Variants in HDLBP observed in about 807,000 individuals in gnomAD.
HDLBP encodes the protein vigilin.
In HDLBP, 30 loss-of-function variants were observed where a neutral mutation model predicts 137.3. The ratio of observed to expected loss-of-function variants is 0.22; its 90% confidence interval spans 0.16 to 0.30. The LOEUF (loss-of-function observed/expected upper bound fraction) is 0.30, where lower values mean the gene tolerates loss of function less well. Ranked by LOEUF, HDLBP falls within the 10% of genes least tolerant of loss-of-function variation. HDLBP has a pLI of 1.00. For missense variants in HDLBP, 1,119 were observed against 1,667.3 expected (o/e 0.67, Z 5.73); for synonymous variants, 606 against 596.0 (o/e 1.02, Z -0.24).
chr2:241,315,452 C>G (rs11554054), intron 1 of HDLBP, 118 bp downstream of exon 1: 24,075 of 152,302 alleles, frequency 0.16, 2,091 homozygotes, highest in Middle Eastern at 0.28. Flanking sequence ...TCCGCACTCC[C>G]GCCACCACCT....
chr2:241,253,649 C>A, intron 9 of HDLBP, 152 bp from the exon 10 acceptor site: 1 of 626,476 alleles, frequency 1.6e-6, no homozygotes, highest in Non-Finnish European at 2.9e-6. Context: ...AGCCATCAAA[C>A]AAAGTTGAAA....
chr2:241,272,871 C>A lies in HDLBP; in HGVS notation c.-102-4330G>T. The A allele has an allele frequency of 2.8e-6, 1 of 360,430 alleles. No individual in the cohort carries two copies. Among genetic ancestry groups the A allele is most frequent in the Non-Finnish European group, 3.9e-6 (1 of 258,800 alleles). 22.3% of individuals were successfully genotyped at this position (360,430 alleles called of 1,614,324 possible). Reference sequence around the variant, plus strand: ...GGGCCCCGGCTGCTATATAGGGCGGCGGCCCAATCCCGCCTGGACACGTCA... The same window carrying A: ...GGGCCCCGGCTGCTATATAGGGCGGAGGCCCAATCCCGCCTGGACACGTCA... On this transcript the variant is annotated intron_variant, in intron 1 of 27. Transcript: ENST00000310931. The surrounding 1 kb of genome is among the most constrained non-coding windows in gnomAD (Gnocchi z 5.6).
At chr2:241,304,734 CT>C (rs2075513455) in intron 1 of HDLBP, among the ~76,000 whole-genome samples, 1 of 152,222 alleles carries the variant, frequency 6.6e-6, no homozygotes, top group African/African-American at 2.4e-5. Context: ...GTTGGTCCCA[CT>C]CCTGAACTAG....
At chr2:241,314,277 G>A (rs991124496) in intron 1 of HDLBP, among the ~76,000 whole-genome samples, 2 of 152,070 alleles carry the variant, frequency 1.3e-5, no homozygotes, top group Non-Finnish European at 2.9e-5. Context: ...TAAGCACTAC[G>A]TTTCATCCAG....
At chr2:241,291,882 G>A (rs1358265823) in intron 1 of HDLBP, among the ~76,000 whole-genome samples, 2 of 152,178 alleles carry the variant, frequency 1.3e-5, no homozygotes, top group Non-Finnish European at 2.9e-5. Flanking sequence ...GCCACGAGCT[G>A]GAAAAGGCCA....
chr2:241,230,569 T>C lies in HDLBP; in HGVS notation c.3474+190A>G, dbSNP rs2069619196. Among the ~76,000 whole-genome samples, 1 of 152,244 alleles carries C rather than the reference T, an allele frequency of 6.6e-6. No homozygotes were observed. Among genetic ancestry groups the C allele is most frequent in the Admixed American group, 6.5e-5 (1 of 15,288 alleles). On this transcript the variant is annotated intron_variant, in intron 25 of 27. Coordinates refer to ENST00000310931, the MANE Select transcript of HDLBP (RefSeq NM_005336.6). The surrounding 1 kb of genome is among the most constrained non-coding windows in gnomAD (Gnocchi z 5.0). Reference sequence around the variant, plus strand: ...GGAGATGCCCTCCTAATGGCCACCGTGGCAGTGCAGCCTCACACAGGCCGT... The same window carrying C: ...GGAGATGCCCTCCTAATGGCCACCGCGGCAGTGCAGCCTCACACAGGCCGT...
chr2:241,280,046 C>T (rs1469264971), intron 1 of HDLBP: 24 of 985,226 alleles, frequency 2.4e-5, no homozygotes, highest in South Asian at 4.7e-5. Context: ...GGAGGACAGG[C>T]GCCCACCACT....
At position 241,248,249 on chromosome 2, in the gene HDLBP, G is replaced by T. The variant is rs2071835796; in HGVS notation, c.1612C>A (p.Pro538Thr). 1 of 1,612,378 alleles carries T rather than the reference G, an allele frequency of 6.2e-7. No individual in the cohort carries two copies. Among genetic ancestry groups the T allele is most frequent in the African/African-American group, 1.3e-5 (1 of 74,860 alleles). ...ERIREIRDKF[P>T]EVIINFPDPA... is the part of the protein sequence containing the mutation. Reference sequence around the variant, plus strand: ...ATGTCTCTGGGAAACTTTACCTCTGGGAATTTGTCACGAATTTCACGGATC... The same window carrying T: ...ATGTCTCTGGGAAACTTTACCTCTGTGAATTTGTCACGAATTTCACGGATC... The change falls in exon 13 of 28, where the codon CCA becomes ACA. Residue 538 changes from proline (P) to threonine (T), a missense_variant. Around this residue, in one of 4 missense-constraint regions of HDLBP, gnomAD observed 425 missense variants for 693.9 expected, o/e 0.61. Coordinates refer to ENST00000310931, the MANE Select transcript of HDLBP (RefSeq NM_005336.6).
chr2:241,285,666 G>C (rs2074778680), intron 1 of HDLBP, among the ~76,000 whole-genome samples: 1 of 152,164 alleles, frequency 6.6e-6, no homozygotes, highest in Admixed American at 6.5e-5. Flanking sequence ...AATAATGAAG[G>C]AGTGAAGAGA....
At chr2:241,279,874 T>C in intron 1 of HDLBP, 1 of 977,616 alleles carries the variant, frequency 1.0e-6, no homozygotes, top group Non-Finnish European at 1.2e-6. Flanking sequence ...TAATTGTCAG[T>C]GGATAACATG....
At position 241,256,030 on chromosome 2, in the gene HDLBP, C is replaced by T. The variant is rs572125961; in HGVS notation, c.873+154G>A. On this transcript the variant is annotated intron_variant, in intron 7 of 27. Coordinates refer to ENST00000310931, the MANE Select transcript of HDLBP (RefSeq NM_005336.6). The stretch of plus-strand genomic sequence containing the variant: ...CTCAACAGCAAGGGGGGGCGGGCAC[C>T]GATCTCACCCGGGTCACTCAAGTGT... Among the ~76,000 whole-genome samples, 227 of 152,292 alleles carry T rather than the reference C, an allele frequency of 1.5e-3. 1 individual carries two copies. Among genetic ancestry groups the T allele is most frequent in the African/African-American group, 4.9e-3 (203 of 41,568 alleles).
intron 1 of HDLBP, among the ~76,000 whole-genome samples, chr2:241,277,108 C>A (rs2074417735): frequency 6.6e-6 from 1 of 151,918 alleles, no homozygotes; most frequent in Non-Finnish European, 1.5e-5. Context: ...AAACTTGCTT[C>A]TAAGTAACTC....
intron 14 of HDLBP, 81 bp from the exon 15 acceptor site, chr2:241,247,223 C>A: frequency 3.5e-6 from 3 of 867,720 alleles, no homozygotes; most frequent in African/African-American, 1.7e-5. Context: ...CTAAGGGTAG[C>A]ATGAACACGA....
intron 5 of HDLBP, among the ~76,000 whole-genome samples, chr2:241,261,870 C>T (rs995418017): frequency 6.6e-6 from 1 of 152,214 alleles, no homozygotes; most frequent in Admixed American, 6.5e-5. Flanking sequence ...ATCAAATCCC[C>T]ATCGTCCAAT....
In HDLBP at chr2:241,230,041, C is replaced by T. The variant is rs948829962; in HGVS notation, c.3592-80G>A. 3.9e-5 allele frequency: 62 copies of T among 1,578,576 alleles called. No homozygotes were observed. The Admixed American group carries it at 6.2e-4, about 16-fold the overall frequency. On this transcript the variant is annotated intron_variant, in intron 26 of 27. Coordinates refer to ENST00000310931, the MANE Select transcript of HDLBP (RefSeq NM_005336.6). This position sits in a 1 kb window ranked among gnomAD's most constrained non-coding sequence, Gnocchi z 5.0. ...CGCCCGCCTGCTCACCCCTGCACCT[C>T]GCCTGCCTCTGGAAACACAAGTGCC... is the stretch of plus-strand genomic sequence containing the variant.
At chr2:241,249,253 TCA>T (rs1486997754) in intron 12 of HDLBP, 2 of 464,610 alleles carry the variant, frequency 4.3e-6, no homozygotes, top group Non-Finnish European at 8.9e-6. Flanking sequence ...GGCTTGTTCC[TCA>T]CACAGTCAGG....
At chr2:241,262,598 ACGGAACTGTCCCACTGGT>A in intron 5 of HDLBP, 95 bp downstream of exon 5, 1 of 741,390 alleles carries the variant, frequency 1.3e-6, no homozygotes, top group South Asian at 1.7e-5. Context: ...CCTCCAAAAG[ACGGAACTGTCCCACTGGT>A]AGGAAGGGTC....
chr2:241,249,865 C>T lies in HDLBP; in HGVS notation c.1488G>A (p.Glu496=), dbSNP rs2071986991. The T allele has an allele frequency of 1.9e-6, 3 of 1,611,242 alleles. No individual in the cohort carries two copies. Among genetic ancestry groups the T allele is most frequent in the South Asian group, 1.1e-5 (1 of 90,702 alleles). Residue 496 remains glutamate (E), a synonymous_variant, in exon 12 of 28, where the codon GAG becomes GAA. Transcript: ENST00000310931. Reference sequence around the variant, plus strand: ...CCATGCGAGATGCAAGCTCCAGCAGCTCTCGCTTGGCCTGCTGCACGCCCT... The same window carrying T: ...CCATGCGAGATGCAAGCTCCAGCAGTTCTCGCTTGGCCTGCTGCACGCCCT... ...DPQGVQQAKR[E]LLELASRMEN...
Position 241,262,592 on chromosome 2 carries a change from CA to C in HDLBP, c.450+118del, listed in dbSNP as rs1387439892. 8 of 713,712 alleles carry C rather than the reference CA, an allele frequency of 1.1e-5. No individual in the cohort carries two copies. The East Asian group carries it at 1.9e-4, about 17-fold the overall frequency. 44.2% of individuals were successfully genotyped at this position (713,712 alleles called of 1,614,324 possible). A position where few individuals can be genotyped will look rare whatever the true frequency, so the allele number is the denominator to read the frequency against. The stretch of plus-strand genomic sequence containing the variant: ...ACTCTGAATGTTGCTGTCCTACCTC[CA>C]AAAGACGGAACTGTCCCACTGGTAG... On this transcript the variant is annotated intron_variant, in intron 5 of 27. Transcript: ENST00000310931.
Sources: gnomAD v4.1 joint callset for allele counts (sites outside exome capture counted in the v4.1 genomes callset) on GRCh38, gnomAD v4.1.1 for gene constraint, gnomAD v4.1.1 regional missense constraint, Gnocchi (gnomAD v3.1) non-coding constraint, MANE v1.5 for transcripts, NCBI Gene and HGNC (gene_info 2026-07-23, HGNC 2026-07-21) for gene names.